The following TMC1 variants were observed in gnomAD, a reference collection of about 807,000 sequenced individuals.
TMC1 encodes transmembrane channel-like protein 1.
Under a neutral mutation model 105.8 loss-of-function variants are expected in TMC1, and 84 were observed. That is an observed-to-expected ratio of 0.79 (90% confidence interval 0.67 to 0.95). The LOEUF (loss-of-function observed/expected upper bound fraction) is 0.95. Among genes scored for constraint, TMC1 ranks in the 40% least tolerant of loss-of-function variants. The pLI is 0.00. For missense variants in TMC1, 817 were observed against 914.1 expected (o/e 0.89, Z 1.37); for synonymous variants, 315 against 311.5 (o/e 1.01, Z -0.12).
chr9:72,580,489 C>T (rs899981395), intron 2 of TMC1, among the ~76,000 whole-genome samples: 1 of 152,104 alleles, frequency 6.6e-6, no homozygotes, highest in Non-Finnish European at 1.5e-5. Flanking sequence ...TTAATTTCTT[C>T]CTATGTACAT....
intron 1 of TMC1, among the ~76,000 whole-genome samples, chr9:72,558,939 A>G (rs923593859): frequency 6.6e-6 from 1 of 152,116 alleles, no homozygotes; most frequent in African/African-American, 2.4e-5. Context: ...AAGAAATGCA[A>G]TTAAAAACAT....
At chr9:72,613,643 A>G (rs1825073185) in intron 2 of TMC1, among the ~76,000 whole-genome samples, 1 of 152,086 alleles carries the variant, frequency 6.6e-6, no homozygotes, top group Non-Finnish European at 1.5e-5. Flanking sequence ...GCTCAATGGA[A>G]TGAATGTGAG....
intron 12 of TMC1, among the ~76,000 whole-genome samples, chr9:72,758,122 C>T (rs1026503617): frequency 6.6e-6 from 1 of 151,992 alleles, no homozygotes; most frequent in South Asian, 2.1e-4. Flanking sequence ...ATATGATATA[C>T]AAGTTTTCAT....
chr9:72,793,827 A>G (rs944933623), intron 17 of TMC1, among the ~76,000 whole-genome samples: 1 of 152,178 alleles, frequency 6.6e-6, no homozygotes, highest in Non-Finnish European at 1.5e-5. Flanking sequence ...CTCACCAGAC[A>G]CATCCTCCAG....
At chr9:72,753,399 T>C (rs1170860207) in intron 11 of TMC1, among the ~76,000 whole-genome samples, 3 of 150,450 alleles carry the variant, frequency 2.0e-5, no homozygotes, top group Non-Finnish European at 4.4e-5. Context: ...TAAATGGAGT[T>C]TTATCAGCAG....
intron 3 of TMC1, among the ~76,000 whole-genome samples, chr9:72,616,989 A>G (rs1233463904): frequency 2.6e-5 from 4 of 152,224 alleles, no homozygotes; most frequent in Non-Finnish European, 5.9e-5. Context: ...TATAAGGACT[A>G]TAATCATAAG....
chr9:72,743,594 G>GA (rs1032640283), intron 10 of TMC1, among the ~76,000 whole-genome samples: 7 of 144,590 alleles, frequency 4.8e-5, no homozygotes, highest in East Asian at 4.0e-4. Context: ...AAGAAAGAAA[G>GA]AAAAAAAACG....
intron 4 of TMC1, among the ~76,000 whole-genome samples, chr9:72,630,024 C>G (rs1825421520): frequency 6.6e-6 from 1 of 151,984 alleles, no homozygotes; most frequent in African/African-American, 2.4e-5. Context: ...TGCCACCATG[C>G]CTGGCTATTT....
intron 1 of TMC1, among the ~76,000 whole-genome samples, chr9:72,536,693 ATAG>A (rs1295232650): frequency 1.3e-5 from 2 of 152,158 alleles, no homozygotes; most frequent in Non-Finnish European, 2.9e-5. Context: ...CATCCTGGGC[ATAG>A]TAGTGTGAGG....
chr9:72,813,612 G>A (rs1008839694), intron 18 of TMC1, among the ~76,000 whole-genome samples: 1 of 152,170 alleles, frequency 6.6e-6, no homozygotes, highest in East Asian at 1.9e-4. Context: ...AAATGCTGTT[G>A]TTTTAGTACC....
At chr9:72,522,669 G>T (rs1224237678) in intron 1 of TMC1, among the ~76,000 whole-genome samples, 21 of 152,306 alleles carry the variant, frequency 1.4e-4, no homozygotes, top group Non-Finnish European at 8.8e-5. Flanking sequence ...GTGGTATGTG[G>T]TCATATTGCT....
chr9:72,554,210 G>A (rs1483528525), intron 1 of TMC1, among the ~76,000 whole-genome samples: 4 of 151,952 alleles, frequency 2.6e-5, no homozygotes, highest in African/African-American at 4.8e-5. Flanking sequence ...AGCTGTGATC[G>A]TTTATTGCTG....
chr9:72,650,881 TAG>T (rs374050148), intron 5 of TMC1, among the ~76,000 whole-genome samples: 21,603 of 96,410 alleles, frequency 0.22, 2,551 homozygotes, highest in Non-Finnish European at 0.26. Context: ...TTTATATATA[TAG>T]ATATATAGAT....
intron 2 of TMC1, among the ~76,000 whole-genome samples, chr9:72,615,303 G>T (rs1315253899): frequency 6.6e-6 from 1 of 152,268 alleles, no homozygotes; most frequent in African/African-American, 2.4e-5. Flanking sequence ...TCATAAAGAG[G>T]TTATGTACTT....
intron 12 of TMC1, among the ~76,000 whole-genome samples, chr9:72,762,909 A>G (rs1787251031): frequency 6.6e-6 from 1 of 152,162 alleles, no homozygotes; most frequent in Non-Finnish European, 1.5e-5. Context: ...TTCATGTTCT[A>G]TTCTAGGTCC....
chr9:72,774,721 G>T (rs1267508497), intron 13 of TMC1, among the ~76,000 whole-genome samples: 1 of 152,052 alleles, frequency 6.6e-6, no homozygotes, highest in East Asian at 1.9e-4. Context: ...TGCCCAAACA[G>T]CAAGACAACT....
chr9:72,701,115 C>T (rs968541916), intron 8 of TMC1, among the ~76,000 whole-genome samples: 2 of 152,058 alleles, frequency 1.3e-5, no homozygotes, highest in East Asian at 3.9e-4. Context: ...GTGGATTGTG[C>T]ACTCTTGTTT....
At chr9:72,825,229 G>T (rs1252211372) in intron 20 of TMC1, among the ~76,000 whole-genome samples, 1 of 152,120 alleles carries the variant, frequency 6.6e-6, no homozygotes, top group Non-Finnish European at 1.5e-5. Context: ...CATTGATTCT[G>T]GTCCTGTGGC....
At chr9:72,583,972 A>C (rs1400930471) in intron 2 of TMC1, among the ~76,000 whole-genome samples, 1 of 152,212 alleles carries the variant, frequency 6.6e-6, no homozygotes, top group Non-Finnish European at 1.5e-5. Flanking sequence ...ATTTTGATAT[A>C]TATTTCTTGT....
Sources: allele counts gnomAD v4.1 joint callset (sites outside exome capture counted in the v4.1 genomes callset), GRCh38; gene constraint gnomAD v4.1.1; transcripts MANE v1.5; gene names NCBI Gene and HGNC (gene_info 2026-07-23, HGNC 2026-07-21).